Variants in CAPZA2 observed in about 807,000 individuals in gnomAD.
The protein encoded by CAPZA2 is capping actin protein of muscle Z-line subunit alpha 2, also known as F-actin-capping protein subunit alpha-2.
In CAPZA2, 13 loss-of-function variants were observed where a neutral mutation model predicts 44.0. The observed-to-expected ratio is 0.30, with a 90% CI of 0.19 to 0.47. CAPZA2 has a LOEUF of 0.47. Among genes scored for constraint, CAPZA2 ranks in the 20% least tolerant of loss-of-function variants. The pLI, the probability that CAPZA2 is intolerant of heterozygous loss-of-function variation, is 1.00. For synonymous variants in CAPZA2, 94 were observed against 108.2 expected (o/e 0.87, Z 0.81); for missense variants, 244 against 338.6 (o/e 0.72, Z 2.19).
chr7:116,875,493 A>G (rs981734761), intron 1 of CAPZA2: 14 of 151,826 alleles, frequency 9.2e-5, no homozygotes, highest in Non-Finnish European at 1.8e-4. Flanking sequence ...TTTCCCAGTT[A>G]CTTGATCACT....
At chr7:116,888,323 T>G (rs570295603) in intron 2 of CAPZA2, 133 bp downstream of exon 2, 2 of 561,830 alleles carry the variant, frequency 3.6e-6, no homozygotes, top group South Asian at 5.1e-5. Flanking sequence ...GACAATATGT[T>G]AGTCTGGATT....
At chr7:116,895,869 G>A (rs1183841346) in intron 3 of CAPZA2, among the ~76,000 whole-genome samples, 1 of 151,998 alleles carries the variant, frequency 6.6e-6, no homozygotes, top group African/African-American at 2.4e-5. Flanking sequence ...CTGAGCAAAA[G>A]TAGTGTTACC....
At chr7:116,881,816 A>G (rs1363167739) in intron 1 of CAPZA2, among the ~76,000 whole-genome samples, 3 of 151,824 alleles carry the variant, frequency 2.0e-5, no homozygotes, top group Non-Finnish European at 4.4e-5. Flanking sequence ...CAGGATCTAA[A>G]CCAGAATCAC....
At chr7:116,894,031 CAGTT>C (rs145210111) in intron 3 of CAPZA2, among the ~76,000 whole-genome samples, 8,322 of 152,150 alleles carry the variant, frequency 0.055, 765 homozygotes, top group African/African-American at 0.19. Flanking sequence ...TCCATCCAGT[CAGTT>C]ACTTTTCATC....
intron 1 of CAPZA2, among the ~76,000 whole-genome samples, chr7:116,884,597 G>GT (rs1481783805): frequency 6.6e-6 from 1 of 152,096 alleles, no homozygotes; most frequent in Admixed American, 6.5e-5. Context: ...TATATTAATG[G>GT]TTTGTTCGTT....
intron 3 of CAPZA2, among the ~76,000 whole-genome samples, chr7:116,895,202 TGTG>T (rs1194593945): frequency 6.6e-6 from 1 of 152,110 alleles, no homozygotes; most frequent in African/African-American, 2.4e-5. Context: ...GTGGGTTTCA[TGTG>T]GTGCAAAAAT....
At chr7:116,903,431 A>G (rs1431491068) in intron 4 of CAPZA2, among the ~76,000 whole-genome samples, 1 of 152,154 alleles carries the variant, frequency 6.6e-6, no homozygotes, top group East Asian at 1.9e-4. Context: ...TTTTATGACT[A>G]TGAAAAAAAA....
At chr7:116,876,166 T>G (rs1029863743) in intron 1 of CAPZA2, 1 of 150,918 alleles carries the variant, frequency 6.6e-6, no homozygotes, top group South Asian at 2.1e-4. Flanking sequence ...AGGAGAATGG[T>G]GTGAACCCAG....
intron 1 of CAPZA2, among the ~76,000 whole-genome samples, chr7:116,867,129 TTTATA>T (rs1229447989): frequency 6.6e-6 from 1 of 152,244 alleles, no homozygotes; most frequent in Non-Finnish European, 1.5e-5. Flanking sequence ...AGTTAATTCA[TTTATA>T]TTAATACTTC....
At chr7:116,896,846 A>G (rs1459668075) in intron 3 of CAPZA2, among the ~76,000 whole-genome samples, 1 of 152,122 alleles carries the variant, frequency 6.6e-6, no homozygotes, top group Non-Finnish European at 1.5e-5. Context: ...ACCTGAAGAC[A>G]CTTGAATTTA....
rs370891274 is a variant in CAPZA2 at position 116,910,326 on chromosome 7, T to C, written c.585+15T>C. On this transcript the variant is annotated intron_variant, in intron 7 of 9. Transcript: ENST00000361183. The stretch of plus-strand genomic sequence containing the variant: ...TGAAAATTCAGGTATGAAAAATAAT[T>C]TGTTTACTGATCTTTAGATGATTCT... 41 of 1,260,854 alleles carry C rather than the reference T, an allele frequency of 3.3e-5. No homozygotes were observed. The African/African-American group carries it at 4.7e-4, about 14-fold the overall frequency. The allele number at this position is 1,260,854 out of a possible 1,614,324, so 78.1% of individuals were successfully genotyped here.
At chr7:116,915,988 C>T in intron 8 of CAPZA2, 72 bp from the exon 9 acceptor site, 1 of 990,248 alleles carries the variant, frequency 1.0e-6, no homozygotes, top group South Asian at 1.7e-5. Flanking sequence ...TTACATTAAC[C>T]ATACATATAT....
chr7:116,863,114 G>C (rs1181485994), intron 1 of CAPZA2, among the ~76,000 whole-genome samples: 1 of 152,186 alleles, frequency 6.6e-6, no homozygotes, highest in Non-Finnish European at 1.5e-5. Flanking sequence ...GTGAGGGGAA[G>C]GGAAAAATCG....
At chr7:116,903,429 C>G (rs985157026) in intron 4 of CAPZA2, among the ~76,000 whole-genome samples, 3 of 151,496 alleles carry the variant, frequency 2.0e-5, no homozygotes, top group African/African-American at 7.3e-5. Flanking sequence ...GATTTTATGA[C>G]TATGAAAAAA....
chr7:116,915,005 C>T (rs1020792182), intron 8 of CAPZA2, among the ~76,000 whole-genome samples: 1 of 152,012 alleles, frequency 6.6e-6, no homozygotes. Flanking sequence ...TGGATGGGTG[C>T]GGTGGCTCAC....
At chr7:116,884,799 C>A (rs538596999) in intron 1 of CAPZA2, among the ~76,000 whole-genome samples, 2 of 152,116 alleles carry the variant, frequency 1.3e-5, no homozygotes, top group Non-Finnish European at 2.9e-5. Flanking sequence ...GTGGTGTGTG[C>A]TTGCTTAATT....
At position 116,921,072 on chromosome 7, in the gene CAPZA2, C is replaced by T. The variant is rs970757229; in HGVS notation, c.*3205C>T. The T allele has an allele frequency of 3.5e-4, 53 of 152,118 alleles. No homozygotes were observed. Among genetic ancestry groups the T allele is most frequent in the African/African-American group, 1.3e-3 (52 of 41,374 alleles). 9.4% of individuals were successfully genotyped at this position (152,118 alleles called of 1,614,324 possible). A position where few individuals can be genotyped will look rare whatever the true frequency, so the allele number is the denominator to read the frequency against. Reference sequence around the variant, plus strand: ...TTATAGGTGTGTTAAAGTAGGGGAACTAGAAAGAATGACCTGGAAATGTAA... The same window carrying T: ...TTATAGGTGTGTTAAAGTAGGGGAATTAGAAAGAATGACCTGGAAATGTAA... On this transcript the variant is annotated 3_prime_UTR_variant, in exon 10 of 10. Transcript: ENST00000361183.
At chr7:116,892,734 A>T (rs1211521672) in intron 2 of CAPZA2, among the ~76,000 whole-genome samples, 1 of 151,494 alleles carries the variant, frequency 6.6e-6, no homozygotes, top group Non-Finnish European at 1.5e-5. Flanking sequence ...ACAAGCTTGG[A>T]TTTTAGTCTG....
chr7:116,908,385 A>G (rs1467300487), intron 6 of CAPZA2, among the ~76,000 whole-genome samples: 1 of 152,170 alleles, frequency 6.6e-6, no homozygotes, highest in Non-Finnish European at 1.5e-5. Flanking sequence ...TGTCTCTACC[A>G]TTTCTCCAGG....
Sources: gnomAD v4.1 joint callset for allele counts (sites outside exome capture counted in the v4.1 genomes callset) on GRCh38, gnomAD v4.1.1 for gene constraint, MANE v1.5 for transcripts, NCBI Gene and HGNC (gene_info 2026-07-23, HGNC 2026-07-21) for gene names.